Variants in REPS1 observed in about 807,000 individuals in gnomAD.
REPS1 encodes the protein RALBP1 associated Eps domain containing 1, also known as ralBP1-associated Eps domain-containing protein 1.
A neutral mutation model predicts 100.9 loss-of-function variants in REPS1; 39 were observed. That is an observed-to-expected ratio of 0.39 (90% confidence interval 0.30 to 0.50). The LOEUF is 0.50. Among genes scored for constraint, REPS1 ranks in the 20% least tolerant of loss-of-function variants. REPS1 has a pLI of 0.86. For synonymous variants in REPS1, 324 were observed against 340.3 expected (o/e 0.95, Z 0.53); for missense variants, 821 against 968.5 (o/e 0.85, Z 2.02).
intron 1 of REPS1, among the ~76,000 whole-genome samples, chr6:138,970,521 T>C (rs1397819265): frequency 6.6e-6 from 1 of 151,082 alleles, no homozygotes; most frequent in Non-Finnish European, 1.5e-5. Flanking sequence ...GGCTCACACC[T>C]AAAATCCCAG....
chr6:138,916,218 CTTTTTTTTTTT>C (rs10582137), intron 13 of REPS1: 7 of 207,426 alleles, frequency 3.4e-5, no homozygotes, highest in East Asian at 1.8e-4. Flanking sequence ...TTCTTTTTTT[CTTTTTTTTTTT>C]TTTTTTTTTT....
intron 10 of REPS1, among the ~76,000 whole-genome samples, chr6:138,922,268 G>A (rs17068088): frequency 0.01 from 1,586 of 152,098 alleles, 21 homozygotes; most frequent in African/African-American, 0.036. Flanking sequence ...AACTTCCTAC[G>A]GATTAATTCA....
At chr6:138,914,319 T>A (rs1021813497) in intron 15 of REPS1, among the ~76,000 whole-genome samples, 2 of 152,138 alleles carry the variant, frequency 1.3e-5, no homozygotes, top group African/African-American at 4.8e-5. Context: ...GAAATCCTAC[T>A]GCCTTAGCCT....
intron 8 of REPS1, among the ~76,000 whole-genome samples, chr6:138,935,782 A>G (rs535610469): frequency 5.4e-4 from 68 of 126,960 alleles, no homozygotes; most frequent in African/African-American, 2.0e-3. Context: ...TGAACCTGGG[A>G]GGGGGAGGTT....
At chr6:138,914,126 G>C (rs1007077948) in intron 15 of REPS1, among the ~76,000 whole-genome samples, 1 of 152,138 alleles carries the variant, frequency 6.6e-6, no homozygotes, top group Non-Finnish European at 1.5e-5. Context: ...CTGGAGTGCA[G>C]TGGTGCAATT....
chr6:138,967,011 A>C (rs1458936274), intron 1 of REPS1, among the ~76,000 whole-genome samples: 1 of 152,246 alleles, frequency 6.6e-6, no homozygotes, highest in Non-Finnish European at 1.5e-5. Context: ...CAGGACCTTC[A>C]AGAGGTGATT....
intron 12 of REPS1, 38 bp downstream of exon 12, chr6:138,920,177 T>C: frequency 9.4e-7 from 1 of 1,068,678 alleles, no homozygotes; most frequent in Non-Finnish European, 1.5e-6. Context: ...AATCCAGACT[T>C]AGTAAACTTC....
intron 9 of REPS1, chr6:138,929,207 T>TA (rs981063518): frequency 5.9e-5 from 9 of 152,198 alleles, no homozygotes; most frequent in African/African-American, 2.2e-4. Context: ...ACTGCTCTAA[T>TA]AGGCTACAGC....
chr6:138,943,477 A>T (rs200180356), intron 7 of REPS1, 36 bp downstream of exon 7: 11 of 1,339,902 alleles, frequency 8.2e-6, no homozygotes, highest in Non-Finnish European at 3.2e-6. Flanking sequence ...CCTTGGAAGC[A>T]ACCCAGTTAC....
chr6:138,955,441 A>T (rs1783314005), intron 1 of REPS1, among the ~76,000 whole-genome samples: 2 of 39,230 alleles, frequency 5.1e-5, no homozygotes, highest in Admixed American at 4.1e-4. Context: ...CTGTCTCTTT[A>T]AAAAAAAAAA....
In REPS1 at chr6:138,943,952, T is replaced by C; in HGVS notation, c.817A>G (p.Ser273Gly). The C allele has an allele frequency of 1.2e-6, 2 of 1,613,860 alleles. No individual in the cohort carries two copies. The highest frequency in any genetic ancestry group is 8.5e-7 in the Non-Finnish European group (1 of 1,179,810). Residue 273 changes from serine (S) to glycine (G), a missense_variant, in exon 6 of 20, where the codon AGT becomes GGT. Around this residue, in one of 3 missense-constraint regions of REPS1, gnomAD observed 757 missense variants for 866.4 expected, o/e 0.87. Transcript: ENST00000450536. Reference sequence around the variant, plus strand: ...ATTTTCCAGGGATCATCATAACTACTGGATTGCCTACGAATTTCAATGGCA... The same window carrying C: ...ATTTTCCAGGGATCATCATAACTACCGGATTGCCTACGAATTTCAATGGCA... ...TTAIEIRRQS[S>G]SYDDPWKITD...
intron 7 of REPS1, 97 bp from the exon 8 acceptor site, chr6:138,941,586 C>A: frequency 8.6e-7 from 1 of 1,161,194 alleles, no homozygotes; most frequent in Non-Finnish European, 1.2e-6. Flanking sequence ...TGAGAAAGTG[C>A]AAGAACTCAG....
At chr6:138,934,389 CA>C in intron 8 of REPS1, 1 of 465,634 alleles carries the variant, frequency 2.1e-6, no homozygotes, top group Non-Finnish European at 4.5e-6. Context: ...GGCTGTTACG[CA>C]AAAAGTATTT....
intron 1 of REPS1, among the ~76,000 whole-genome samples, chr6:138,960,695 G>A (rs1582829472): frequency 6.6e-6 from 1 of 152,222 alleles, no homozygotes; most frequent in Non-Finnish European, 1.5e-5. Context: ...AGCTTTTTAG[G>A]TAATTTTGAT....
intron 19 of REPS1, among the ~76,000 whole-genome samples, chr6:138,905,631 C>T (rs1236785895): frequency 6.6e-6 from 1 of 152,190 alleles, no homozygotes; most frequent in Admixed American, 6.5e-5. Context: ...AAAATAAGAT[C>T]CTAGTAATTT....
At chr6:138,972,977 A>G (rs1784417660) in intron 1 of REPS1, among the ~76,000 whole-genome samples, 1 of 152,238 alleles carries the variant, frequency 6.6e-6, no homozygotes, top group African/African-American at 2.4e-5. Flanking sequence ...GCACCAACTA[A>G]GCAGTCTAAT....
rs1785394633 is a variant in REPS1, at chr6:138,988,220, G to A, written c.-538C>T. 2 of 398,588 alleles carry A rather than the reference G, an allele frequency of 5.0e-6. No individual in the cohort carries two copies. Among genetic ancestry groups the A allele is most frequent in the Admixed American group, 4.4e-5 (1 of 22,710 alleles). 24.7% of individuals were successfully genotyped at this position (398,588 alleles called of 1,614,324 possible). On this transcript the variant is annotated 5_prime_UTR_variant, in exon 1 of 20. Coordinates refer to ENST00000450536, the MANE Select transcript of REPS1 (RefSeq NM_001286611.2). ...CCTCCGCCGCCATTTACAGTGCCCC[G>A]GCCCGGCCCCGACGCGCCCGCACCA...
intron 10 of REPS1, among the ~76,000 whole-genome samples, chr6:138,922,279 A>C (rs568002003): frequency 3.9e-5 from 6 of 152,310 alleles, no homozygotes; most frequent in African/African-American, 1.4e-4. Context: ...GATTAATTCA[A>C]AGTGTTTAAA....
chr6:138,968,938 C>T (rs1400230204), intron 1 of REPS1, among the ~76,000 whole-genome samples: 1 of 152,156 alleles, frequency 6.6e-6, no homozygotes, highest in African/African-American at 2.4e-5. Flanking sequence ...TCACTATGTG[C>T]AAGAATTGGG....
Sources: gnomAD v4.1 joint callset for allele counts (sites outside exome capture counted in the v4.1 genomes callset) on GRCh38, gnomAD v4.1.1 for gene constraint, gnomAD v4.1.1 regional missense constraint, MANE v1.5 for transcripts, NCBI Gene and HGNC (gene_info 2026-07-23, HGNC 2026-07-21) for gene names.